Variants in CGNL1 observed in about 807,000 individuals in gnomAD.
The protein encoded by CGNL1 is cingulin like 1.
A neutral mutation model predicts 141.2 loss-of-function variants in CGNL1; 132 were observed. The ratio of observed to expected loss-of-function variants is 0.93; its 90% CI spans 0.81 to 1.08. The LOEUF (loss-of-function observed/expected upper bound fraction) is 1.08, where lower values mean the gene tolerates loss of function less well. CGNL1 is among the 50% of genes least tolerant of loss of function. CGNL1 has a pLI of 0.00. For synonymous variants in CGNL1, 690 were observed against 622.1 expected, an observed-to-expected ratio of 1.11 and a Z score of -1.63; for missense variants, 1,870 against 1,588.6, an observed-to-expected ratio of 1.18 and a Z score of -3.01.
intron 8 of CGNL1, among the ~76,000 whole-genome samples, chr15:57,475,100 C>T (rs1486847143): frequency 2.0e-5 from 3 of 152,206 alleles, no homozygotes; most frequent in African/African-American, 7.2e-5. Flanking sequence ...CAGGCCTCAG[C>T]AGCCATCTCC....
At chr15:57,388,343 T>C (rs1293396504) in intron 1 of CGNL1, among the ~76,000 whole-genome samples, 1 of 152,142 alleles carries the variant, frequency 6.6e-6, no homozygotes, top group Non-Finnish European at 1.5e-5. Context: ...GGGTGGTCTT[T>C]CCTTTGTGCT....
intron 14 of CGNL1, among the ~76,000 whole-genome samples, chr15:57,536,863 C>T (rs772486431): frequency 2.0e-5 from 3 of 152,270 alleles, no homozygotes; most frequent in South Asian, 2.1e-4. Context: ...CTATTCCCAT[C>T]GTCCCTGAAT....
At chr15:57,523,357 G>C in intron 10 of CGNL1, 132 bp from the exon 11 acceptor site, 1 of 741,112 alleles carries the variant, frequency 1.3e-6, no homozygotes, top group South Asian at 2.1e-5. Context: ...GCTTTATTTT[G>C]ATCTTCTTCC....
chr15:57,480,757 G>T (rs1302465601), intron 8 of CGNL1, among the ~76,000 whole-genome samples: 2 of 152,112 alleles, frequency 1.3e-5, no homozygotes, highest in Non-Finnish European at 2.9e-5. Context: ...CTCTGGCTGA[G>T]AATTTATACA....
chr15:57,510,304 A>G (rs1362439114), intron 8 of CGNL1, among the ~76,000 whole-genome samples: 1 of 152,254 alleles, frequency 6.6e-6, no homozygotes, highest in Admixed American at 6.5e-5. Flanking sequence ...CCTTCTTCAG[A>G]TAGGAAACTA....
chr15:57,499,330 C>T (rs895447138), intron 8 of CGNL1, among the ~76,000 whole-genome samples: 3 of 144,288 alleles, frequency 2.1e-5, no homozygotes, highest in Admixed American at 1.5e-4. Flanking sequence ...ACTGCAACCT[C>T]TGGCTTCCAG....
In CGNL1 at chr15:57,522,074, G is replaced by T. The variant is rs563302593; in HGVS notation, c.2716-1415G>T. On this transcript the variant is annotated intron_variant, in intron 10 of 18. Coordinates refer to ENST00000281282, the MANE Select transcript of CGNL1 (RefSeq NM_032866.5). ...CCCCAGGTTTGACCCTGCTTCTGGT[G>T]GGTGCCCAGCAGCAGCTGTGCTGGA... 2.0e-5 allele frequency among the ~76,000 whole-genome samples: 3 copies of T among 152,296 alleles called. No homozygotes were observed. In the East Asian group the frequency reaches 5.8e-4, roughly 29 times the overall value.
chr15:57,522,706 A>T (rs1275347704), intron 10 of CGNL1, among the ~76,000 whole-genome samples: 1 of 152,254 alleles, frequency 6.6e-6, no homozygotes, highest in African/African-American at 2.4e-5. Flanking sequence ...TGTTGTTTAC[A>T]TAAAGAACAT....
intron 1 of CGNL1, among the ~76,000 whole-genome samples, chr15:57,435,809 C>A (rs781164850): frequency 6.6e-6 from 1 of 152,104 alleles, no homozygotes; most frequent in Non-Finnish European, 1.5e-5. Context: ...TAAGGTTGTA[C>A]AGATGGATAG....
In CGNL1 at chr15:57,497,843, G is replaced by A. The variant is rs191968888; in HGVS notation, c.2404-18937G>A. Among the ~76,000 whole-genome samples the A allele has an allele frequency of 6.5e-4, 99 of 152,350 alleles. 1 individual carries two copies. The highest frequency in any genetic ancestry group is 1.9e-3 in the African/African-American group (78 of 41,578). ...AGTCCTGCAGGGAAGAAGCCCAGCT[G>A]TTGTATAGGGAGGCATTTCTTTCTC... On this transcript the variant is annotated intron_variant, in intron 8 of 18. Coordinates refer to ENST00000281282, the MANE Select transcript of CGNL1 (RefSeq NM_032866.5).
intron 1 of CGNL1, among the ~76,000 whole-genome samples, chr15:57,432,373 G>A (rs2063055164): frequency 6.6e-6 from 1 of 152,190 alleles, no homozygotes; most frequent in South Asian, 2.1e-4. Flanking sequence ...ATGGCCCAGA[G>A]AGAGGAAATG....
At chr15:57,402,908 T>C (rs186801378) in intron 1 of CGNL1, among the ~76,000 whole-genome samples, 253 of 152,294 alleles carry the variant, frequency 1.7e-3, no homozygotes, top group African/African-American at 5.9e-3. Flanking sequence ...GCTTGAATCA[T>C]TTTGACAAGA....
chr15:57,417,220 C>G (rs1438815768), intron 1 of CGNL1, among the ~76,000 whole-genome samples: 1 of 151,920 alleles, frequency 6.6e-6, no homozygotes, highest in East Asian at 1.9e-4. Context: ...TTTATACTGC[C>G]CTTTCTTCCT....
intron 11 of CGNL1, among the ~76,000 whole-genome samples, chr15:57,523,906 C>T (rs1481798013): frequency 6.6e-6 from 1 of 152,200 alleles, no homozygotes; most frequent in Non-Finnish European, 1.5e-5. Context: ...TGTGTCAGTG[C>T]AGATGGAACC....
At chr15:57,401,394 A>T (rs2062658931) in intron 1 of CGNL1, among the ~76,000 whole-genome samples, 1 of 152,118 alleles carries the variant, frequency 6.6e-6, no homozygotes, top group Non-Finnish European at 1.5e-5. Context: ...TTAAGCCTCA[A>T]CTCCAAACCG....
At chr15:57,417,002 T>A (rs1216254908) in intron 1 of CGNL1, among the ~76,000 whole-genome samples, 2 of 152,146 alleles carry the variant, frequency 1.3e-5, no homozygotes, top group African/African-American at 4.8e-5. Context: ...TTCTGCTCTA[T>A]CTGGGTGACC....
At chr15:57,387,721 C>G (rs749899) in intron 1 of CGNL1, among the ~76,000 whole-genome samples, 12,155 of 152,270 alleles carry the variant, frequency 0.08, 958 homozygotes, top group African/African-American at 0.21. Context: ...AAAAACCTCC[C>G]CCTGTTTTAA....
chr15:57,526,806 C>T (rs538099309), intron 12 of CGNL1, among the ~76,000 whole-genome samples: 5 of 152,150 alleles, frequency 3.3e-5, no homozygotes, highest in South Asian at 2.1e-4. Context: ...GGGCCCTTAC[C>T]GGGTGTTAGG....
chr15:57,503,938 G>A (rs908297207), intron 8 of CGNL1, among the ~76,000 whole-genome samples: 1 of 152,080 alleles, frequency 6.6e-6, no homozygotes, highest in Non-Finnish European at 1.5e-5. Context: ...AGATTTGGTG[G>A]GGACACAGCC....
Sources: gnomAD v4.1 joint callset for allele counts (sites outside exome capture counted in the v4.1 genomes callset) on GRCh38, gnomAD v4.1.1 for gene constraint, MANE v1.5 for transcripts, NCBI Gene and HGNC (gene_info 2026-07-23, HGNC 2026-07-21) for gene names.